MEGF10: variants seen among roughly 807,000 people sequenced by gnomAD.
The protein encoded by MEGF10 is multiple epidermal growth factor-like domains protein 10.
Under a neutral mutation model 147.5 loss-of-function variants are expected in MEGF10, and 86 were observed. The ratio of observed to expected loss-of-function variants is 0.58; its 90% confidence interval spans 0.49 to 0.70. The LOEUF is 0.70. Ranked by LOEUF, MEGF10 falls within the 30% of genes least tolerant of loss-of-function variation. The pLI, the probability that MEGF10 is intolerant of heterozygous loss-of-function variation, is 0.00. For synonymous variants in MEGF10, 478 were observed against 525.5 expected (o/e 0.91, Z 1.24); for missense variants, 1,329 against 1,487.3 (o/e 0.89, Z 1.75).
chr5:127,387,865 G>A (rs1323313707), intron 5 of MEGF10, among the ~76,000 whole-genome samples: 1 of 152,158 alleles, frequency 6.6e-6, no homozygotes, highest in African/African-American at 2.4e-5. Context: ...TCCACTCTCT[G>A]TTTCGTGTCG....
At position 127,455,867 on chromosome 5, in the gene MEGF10, G is replaced by A. The variant is rs552964644; in HGVS notation, c.3232+260G>A. Among the ~76,000 whole-genome samples the A allele has an allele frequency of 4.6e-5, 7 of 152,104 alleles. No individual in the cohort carries two copies. The East Asian group carries it at 7.7e-4, about 17-fold the overall frequency. ...CCATCCTCCCACTTCAGCCTCCCAA[G>A]TAGCTGGGACCACAGGCACGCACTA... On this transcript the variant is annotated intron_variant, in intron 24 of 24. Coordinates refer to ENST00000503335, the MANE Select transcript of MEGF10 (RefSeq NM_001256545.2).
intron 5 of MEGF10, among the ~76,000 whole-genome samples, chr5:127,384,555 T>A (rs898208296): frequency 1.3e-5 from 2 of 152,156 alleles, no homozygotes; most frequent in African/African-American, 4.8e-5. Flanking sequence ...CAATAGAGAA[T>A]AAATATTTTA....
intron 13 of MEGF10, among the ~76,000 whole-genome samples, chr5:127,426,821 C>T (rs551266006): frequency 6.0e-4 from 92 of 152,324 alleles, no homozygotes; most frequent in African/African-American, 2.1e-3. Context: ...CTGAGCATTA[C>T]AGCTAATCAA....
At chr5:127,263,173 T>C in the MEGF10 span, among the ~76,000 whole-genome samples, 1 of 152,052 alleles carries the variant, frequency 6.6e-6, no homozygotes, top group East Asian at 1.9e-4. Flanking sequence ...ATCTTAAAGG[T>C]ACAAGATTAT....
intron 9 of MEGF10, among the ~76,000 whole-genome samples, chr5:127,410,865 ATTTGCTGAGGTTAGTAGAACT>A (rs1324364559): frequency 1.3e-5 from 2 of 152,230 alleles, no homozygotes; most frequent in Non-Finnish European, 2.9e-5. Flanking sequence ...TAAAAACAAA[ATTTGCTGAGGTTAGTAGAACT>A]TTCCCTTAAG....
the MEGF10 span, among the ~76,000 whole-genome samples, chr5:127,281,914 A>G: frequency 6.6e-6 from 1 of 152,224 alleles, no homozygotes; most frequent in South Asian, 2.1e-4. Flanking sequence ...CAGGGACAAG[A>G]TTGCTTAAGC....
chr5:127,273,867 A>G, the MEGF10 span, among the ~76,000 whole-genome samples: 2 of 152,248 alleles, frequency 1.3e-5, no homozygotes, highest in African/African-American at 2.4e-5. Context: ...CATTAGCCGC[A>G]TGTAATATTT....
chr5:127,445,533 C>T lies in MEGF10; in HGVS notation c.2568C>T (p.Ile856=), dbSNP rs778716392. The T allele has an allele frequency of 4.7e-5, 76 of 1,613,936 alleles. No individual in the cohort carries two copies. Among genetic ancestry groups the T allele is most frequent in the African/African-American group, 2.7e-4 (20 of 74,872 alleles). ...CTCTCCCTGCTGATTCCTACCAGAT[C>T]GGGGCCATTGCAGGCATCATCATTC... ...STALPADSYQ[I]GAIAGIIILV... is the part of the protein sequence containing the mutation. Residue 856 remains isoleucine (I), a synonymous_variant, in exon 20 of 25, where the codon ATC becomes ATT. Transcript: ENST00000503335.
chr5:127,410,222 G>T (rs1167150675), intron 8 of MEGF10, among the ~76,000 whole-genome samples, 167 bp from the exon 9 acceptor site: 1 of 152,238 alleles, frequency 6.6e-6, no homozygotes. Context: ...TGTAGCCAGA[G>T]TAATGTATCT....
the MEGF10 span, among the ~76,000 whole-genome samples, chr5:127,244,754 T>C: frequency 6.6e-6 from 1 of 152,104 alleles, no homozygotes; most frequent in Non-Finnish European, 1.5e-5. Flanking sequence ...TAAACCAAGC[T>C]ATTGTCAAAA....
the MEGF10 span, among the ~76,000 whole-genome samples, chr5:127,246,986 A>ATATATATATATATATATATG: frequency 2.7e-3 from 7 of 2,596 alleles, no homozygotes; most frequent in Admixed American, 0.027. Context: ...TATAAAAAGA[A>ATATATATATATATATATATG]TATATATATA....
chr5:127,349,601 T>C (rs1328402489), intron 4 of MEGF10, among the ~76,000 whole-genome samples: 1 of 152,160 alleles, frequency 6.6e-6, no homozygotes, highest in Non-Finnish European at 1.5e-5. Flanking sequence ...CTTCGTCCTT[T>C]CATGACTGGC....
intron 9 of MEGF10, 43 bp from the exon 10 acceptor site, chr5:127,417,595 G>C (rs1328964227): frequency 1.2e-6 from 2 of 1,606,228 alleles, no homozygotes; most frequent in Admixed American, 3.3e-5. Context: ...TGGGTGTCAT[G>C]TTTACCCCAA....
intron 1 of MEGF10, among the ~76,000 whole-genome samples, chr5:127,326,783 GA>G (rs1761054009): frequency 1.3e-5 from 2 of 152,152 alleles, no homozygotes; most frequent in African/African-American, 2.4e-5. Flanking sequence ...ATATGTGAGA[GA>G]ATCTTAGCGA....
intron 1 of MEGF10, among the ~76,000 whole-genome samples, chr5:127,323,792 G>C (rs1178805024): frequency 6.6e-6 from 1 of 152,112 alleles, no homozygotes; most frequent in African/African-American, 2.4e-5. Flanking sequence ...TGTTAGCAAG[G>C]GCTGCAGTCA....
chr5:127,401,203 A>G lies in MEGF10; in HGVS notation c.781-1343A>G, dbSNP rs1189075637. On this transcript the variant is annotated intron_variant, in intron 7 of 24. Transcript: ENST00000503335. ...GTCATGCTTTTACCTCACATTAAGT[A>G]TACCATGTCAGGCTAGAATGGAGAG... 2.0e-5 allele frequency among the ~76,000 whole-genome samples: 3 copies of G among 152,196 alleles called. No individual in the cohort carries two copies. In the South Asian group the frequency reaches 6.2e-4, roughly 31 times the overall value.
intron 13 of MEGF10, among the ~76,000 whole-genome samples, chr5:127,432,296 G>C (rs768494789): frequency 6.6e-6 from 1 of 152,214 alleles, no homozygotes; most frequent in Non-Finnish European, 1.5e-5. Context: ...GTTTGGGACT[G>C]CTTCCATGTT....
intron 5 of MEGF10, among the ~76,000 whole-genome samples, chr5:127,384,455 C>G (rs1763360610): frequency 6.6e-6 from 1 of 152,156 alleles, no homozygotes; most frequent in African/African-American, 2.4e-5. Context: ...TAACTTTAGC[C>G]TACAAGTTAT....
At chr5:127,409,208 C>A (rs1003309564) in intron 8 of MEGF10, among the ~76,000 whole-genome samples, 2 of 152,180 alleles carry the variant, frequency 1.3e-5, no homozygotes, top group Non-Finnish European at 2.9e-5. Context: ...AAGTATGTTT[C>A]TTTTCTGCTT....
Sources: gnomAD v4.1 joint callset for allele counts (sites outside exome capture counted in the v4.1 genomes callset) on GRCh38, gnomAD v4.1.1 for gene constraint, MANE v1.5 for transcripts, NCBI Gene and HGNC (gene_info 2026-07-23, HGNC 2026-07-21) for gene names.